RASSF8: variants seen among roughly 807,000 people sequenced by gnomAD.
RASSF8 encodes the protein Ras association domain family member 8.
In RASSF8, 22 loss-of-function variants were observed where a neutral mutation model predicts 48.5. That is an observed-to-expected ratio of 0.45 (90% CI 0.32 to 0.65). The LOEUF (loss-of-function observed/expected upper bound fraction) is 0.65, where lower values mean the gene tolerates loss of function less well. Among genes scored for constraint, RASSF8 ranks in the 30% least tolerant of loss-of-function variants. The pLI is 0.03. For missense variants in RASSF8, 418 were observed against 489.2 expected, an observed-to-expected ratio of 0.85 and a Z score of 1.37; for synonymous variants, 127 against 171.5, an observed-to-expected ratio of 0.74 and a Z score of 2.03.
At chr12:26,004,537 C>T (rs1942339361) in intron 2 of RASSF8, among the ~76,000 whole-genome samples, 1 of 152,176 alleles carries the variant, frequency 6.6e-6, no homozygotes, top group Admixed American at 6.5e-5. Context: ...TTACCAATAA[C>T]ATACACTGTC....
At chr12:25,980,116 C>A (rs988435692) in intron 1 of RASSF8, among the ~76,000 whole-genome samples, 1 of 152,162 alleles carries the variant, frequency 6.6e-6, no homozygotes, top group African/African-American at 2.4e-5. Context: ...TAAGTACCGA[C>A]CTCCATGGTT....
chr12:26,058,626 C>T (rs940604772), intron 3 of RASSF8, among the ~76,000 whole-genome samples: 1 of 151,956 alleles, frequency 6.6e-6, no homozygotes, highest in Non-Finnish European at 1.5e-5. Context: ...TTTTAGGAAA[C>T]CATAGAAACT....
intron 2 of RASSF8, among the ~76,000 whole-genome samples, chr12:26,041,285 G>A (rs1199134722): frequency 6.6e-6 from 1 of 151,960 alleles, no homozygotes; most frequent in Non-Finnish European, 1.5e-5. Flanking sequence ...GAGTTTTTGA[G>A]GATTTCTTAT....
At chr12:26,003,703 T>C (rs1434341495) in intron 2 of RASSF8, among the ~76,000 whole-genome samples, 1 of 152,114 alleles carries the variant, frequency 6.6e-6, no homozygotes, top group Non-Finnish European at 1.5e-5. Context: ...TATAGGAAAA[T>C]AATTACTGTG....
At chr12:26,013,409 C>T (rs1012187669) in intron 2 of RASSF8, among the ~76,000 whole-genome samples, 1 of 152,192 alleles carries the variant, frequency 6.6e-6, no homozygotes, top group African/African-American at 2.4e-5. Context: ...CCTCCATGAG[C>T]TTAAGGGAGT....
intron 2 of RASSF8, among the ~76,000 whole-genome samples, chr12:26,031,260 A>T (rs1456588379): frequency 1.3e-5 from 2 of 152,080 alleles, no homozygotes; most frequent in Non-Finnish European, 2.9e-5. Flanking sequence ...GATTACTTTG[A>T]TTTTGCCAAT....
At chr12:26,063,499 C>T (rs527528066) in intron 3 of RASSF8, among the ~76,000 whole-genome samples, 1 of 151,928 alleles carries the variant, frequency 6.6e-6, no homozygotes, top group Non-Finnish European at 1.5e-5. Context: ...CAGGATCAGG[C>T]GATTCTCCTA....
chr12:26,006,442 T>C (rs1316388020), intron 2 of RASSF8, among the ~76,000 whole-genome samples: 1 of 152,230 alleles, frequency 6.6e-6, no homozygotes, highest in Non-Finnish European at 1.5e-5. Context: ...AAATTATATA[T>C]GTAAAGGACT....
chr12:25,987,471 G>A (rs10771253), intron 1 of RASSF8, among the ~76,000 whole-genome samples: 72,812 of 152,014 alleles, frequency 0.48, 18,084 homozygotes, highest in Non-Finnish European at 0.56. Flanking sequence ...CCATACTAAG[G>A]CAGGAAATGA....
Position 26,070,214 on chromosome 12 carries a change from G to T in RASSF8, c.*1396G>T. ...ATTTACATGCAACAAAATAAAAGTG[G>T]ATTAATATAGTAATGCCATGGTAAC... On this transcript the variant is annotated 3_prime_UTR_variant, in exon 6 of 6. Transcript: ENST00000689635. 19 of 968,622 alleles carry T rather than the reference G, an allele frequency of 2.0e-5. No individual in the cohort carries two copies. Among genetic ancestry groups the T allele is most frequent in the Non-Finnish European group, 2.3e-5 (19 of 814,686 alleles). The allele number at this position is 968,622 out of a possible 1,614,324, so 60.0% of individuals were successfully genotyped here. A position where few individuals can be genotyped will look rare whatever the true frequency, so the allele number is the denominator to read the frequency against.
chr12:26,079,168 A>G, exon 6 of RASSF8: 1 of 848,532 alleles, frequency 1.2e-6, no homozygotes, highest in South Asian at 1.8e-5. Context: ...AACGATCACC[A>G]AAATGAAAAG....
intron 1 of RASSF8, among the ~76,000 whole-genome samples, chr12:25,978,813 G>A (rs753164016): frequency 6.6e-6 from 1 of 152,034 alleles, no homozygotes; most frequent in Non-Finnish European, 1.5e-5. Context: ...AGACCAGAAG[G>A]TAGCACAGTA....
Position 26,068,890 on chromosome 12 carries a change from A to G in RASSF8, c.*72A>G. On this transcript the variant is annotated 3_prime_UTR_variant, in exon 6 of 6. Transcript: ENST00000689635. ...GTAAACTTCCTTTTTGATTTGTGCC[A>G]ATGATGAACAGAGGATCTATTCCAC... The G allele has an allele frequency of 1.3e-6, 2 of 1,514,020 alleles. No individual in the cohort carries two copies. The highest frequency in any genetic ancestry group is 1.8e-6 in the Non-Finnish European group (2 of 1,135,368). 93.8% of individuals were successfully genotyped at this position (1,514,020 alleles called of 1,614,324 possible). A position where few individuals can be genotyped will look rare whatever the true frequency, so the allele number is the denominator to read the frequency against.
At chr12:25,996,473 G>A (rs934813605) in intron 2 of RASSF8, among the ~76,000 whole-genome samples, 6 of 152,046 alleles carry the variant, frequency 3.9e-5, no homozygotes, top group African/African-American at 1.2e-4. Flanking sequence ...TTAATGTTTG[G>A]GGATTTTGTG....
At chr12:26,057,660 G>GT (rs1943637255) in intron 3 of RASSF8, among the ~76,000 whole-genome samples, 1 of 152,194 alleles carries the variant, frequency 6.6e-6, no homozygotes, top group Non-Finnish European at 1.5e-5. Context: ...GGATGGCTGG[G>GT]TCAAATGGTA....
chr12:26,025,015 T>C (rs1253563314), intron 2 of RASSF8, among the ~76,000 whole-genome samples: 2 of 151,990 alleles, frequency 1.3e-5, no homozygotes, highest in African/African-American at 4.8e-5. Context: ...AAAAACTACA[T>C]GATTATTTCA....
chr12:26,057,632 G>C (rs982449585), intron 3 of RASSF8, among the ~76,000 whole-genome samples: 1 of 152,044 alleles, frequency 6.6e-6, no homozygotes, highest in Non-Finnish European at 1.5e-5. Flanking sequence ...TAATCCTTTG[G>C]GTATATACGC....
At chr12:26,049,970 G>C (rs1395324965) in intron 2 of RASSF8, among the ~76,000 whole-genome samples, 2 of 152,062 alleles carry the variant, frequency 1.3e-5, no homozygotes, top group African/African-American at 4.8e-5. Context: ...ATTTTTAGTA[G>C]AGACAGGGTT....
chr12:25,974,798 C>T (rs1037586969), intron 1 of RASSF8, among the ~76,000 whole-genome samples: 4 of 152,038 alleles, frequency 2.6e-5, no homozygotes, highest in Non-Finnish European at 5.9e-5. Flanking sequence ...GACATATTGA[C>T]CAGTGAGCAC....
Sources: gnomAD v4.1 joint callset for allele counts (sites outside exome capture counted in the v4.1 genomes callset) on GRCh38, gnomAD v4.1.1 for gene constraint, MANE v1.5 for transcripts, NCBI Gene and HGNC (gene_info 2026-07-23, HGNC 2026-07-21) for gene names.